SRC: variants seen among roughly 807,000 people sequenced by gnomAD.
SRC encodes SRC proto-oncogene, non-receptor tyrosine kinase, also known as proto-oncogene tyrosine-protein kinase Src.
SRC carries 13 observed loss-of-function variants against 62.9 expected under a neutral mutation model. The observed-to-expected ratio is 0.21, with a 90% CI of 0.13 to 0.33. The LOEUF is 0.33. Among genes scored for constraint, SRC ranks in the 10% least tolerant of loss-of-function variants. SRC has a pLI of 1.00. For missense variants in SRC, 457 were observed against 737.3 expected (o/e 0.62, Z 4.40); for synonymous variants, 302 against 317.5 (o/e 0.95, Z 0.52).
intron 7 of SRC, among the ~76,000 whole-genome samples, chr20:37,395,870 A>G (rs1346816743): frequency 6.6e-6 from 1 of 152,248 alleles, no homozygotes; most frequent in African/African-American, 2.4e-5. Flanking sequence ...ACTGAGGCCC[A>G]GATAGGGCCA....
chr20:37,373,139 T>C (rs1049105725), intron 2 of SRC, among the ~76,000 whole-genome samples: 49 of 139,414 alleles, frequency 3.5e-4, no homozygotes, highest in African/African-American at 1.3e-3. Flanking sequence ...TATATACACA[T>C]ATGTACATAT....
chr20:37,401,975 G>C (rs1291718269), intron 11 of SRC: 2 of 388,328 alleles, frequency 5.2e-6, no homozygotes, highest in Admixed American at 4.4e-5. Flanking sequence ...ACGTGTTCAT[G>C]CTTGCTGTAG....
chr20:37,349,482 T>A (rs1477822914), intron 1 of SRC, among the ~76,000 whole-genome samples: 1 of 152,218 alleles, frequency 6.6e-6, no homozygotes, highest in East Asian at 1.9e-4. Context: ...ATTTACTGTA[T>A]CTTTTGAGAG....
Position 37,405,349 on chromosome 20 carries a change from T to TG in SRC, c.*1977dup, listed in dbSNP as rs202168843. On this transcript the variant is annotated 3_prime_UTR_variant, in exon 14 of 14. Coordinates refer to ENST00000373578, the MANE Select transcript of SRC (RefSeq NM_198291.3). ...TTCCAAGGCCCAGACTTGCGGGGGG[T>TG]GGGGGGGTATCCAGAATTGGTTGTA... 59 of 47,588 alleles carry TG rather than the reference T, an allele frequency of 1.2e-3. No homozygotes were observed. The highest frequency in any genetic ancestry group is 6.3e-3 in the East Asian group (13 of 2,066). 2.9% of individuals were successfully genotyped at this position (47,588 alleles called of 1,614,324 possible).
rs763394119 is a variant in SRC at position 37,373,159 on chromosome 20, CACACATAT to C, written c.-173+7884_-173+7891del. Among the ~76,000 whole-genome samples, 31 of 113,742 alleles carry C rather than the reference CACACATAT, an allele frequency of 2.7e-4. No individual in the cohort carries two copies. In the East Asian group the frequency reaches 3.7e-3, roughly 14 times the overall value. 74.6% of individuals were successfully genotyped at this position (113,742 alleles called of 152,430 possible). ...ACACATATGTACATATACACACATA[CACACATAT>C]ATGTACACACATACACATGTATACA... On this transcript the variant is annotated intron_variant, in intron 2 of 13. Coordinates refer to ENST00000373578, the MANE Select transcript of SRC (RefSeq NM_198291.3).
chr20:37,368,678 A>G (rs1403497711), intron 2 of SRC, among the ~76,000 whole-genome samples: 14 of 144,636 alleles, frequency 9.7e-5, no homozygotes, highest in African/African-American at 2.8e-4. Flanking sequence ...TCAGCCTCCC[A>G]AGTAGCTGGG....
intron 4 of SRC, 76 bp from the exon 5 acceptor site, chr20:37,385,998 TG>T: frequency 8.5e-7 from 1 of 1,178,530 alleles, no homozygotes; most frequent in Non-Finnish European, 1.3e-6. Flanking sequence ...CCACTCCTCC[TG>T]GGTACAGGGC....
At chr20:37,376,178 C>G (rs755668532) in intron 2 of SRC, among the ~76,000 whole-genome samples, 3 of 152,174 alleles carry the variant, frequency 2.0e-5, no homozygotes, top group Non-Finnish European at 4.4e-5. Flanking sequence ...CTAATCAACT[C>G]CACCAGACAA....
chr20:37,384,543 C>CGGGGGGGGG lies in SRC; in HGVS notation c.250+146_250+147insGGGGGGGGG, dbSNP rs1242378998. On this transcript the variant is annotated intron_variant, in intron 4 of 13. Transcript: ENST00000373578. This position sits in a 1 kb window ranked among gnomAD's most constrained non-coding sequence, Gnocchi z 6.7. Reference sequence around the variant, plus strand: ...AGCGCCCCTGGGTGACTTGGGTGTCCGGGGGGTGGGGGGGCGGCCGTACAC... The same window carrying CGGGGGGGGG: ...AGCGCCCCTGGGTGACTTGGGTGTCCGGGGGGGGGGGGGGGTGGGGGGGCGGCCGTACAC... 3 of 159,526 alleles carry CGGGGGGGGG rather than the reference C, an allele frequency of 1.9e-5. No individual in the cohort carries two copies. Among genetic ancestry groups the CGGGGGGGGG allele is most frequent in the African/African-American group, 1.5e-4 (3 of 19,580 alleles). The allele number at this position is 159,526 out of a possible 1,614,324, so 9.9% of individuals were successfully genotyped here. A position where few individuals can be genotyped will look rare whatever the true frequency, so the allele number is the denominator to read the frequency against.
At chr20:37,362,738 G>C (rs1479771553) in intron 1 of SRC, among the ~76,000 whole-genome samples, 3 of 152,028 alleles carry the variant, frequency 2.0e-5, no homozygotes, top group Non-Finnish European at 4.4e-5. Flanking sequence ...GGGTGGGGTG[G>C]GGGGGTCTGC....
intron 7 of SRC, 27 bp downstream of exon 7, chr20:37,394,304 A>T: frequency 6.3e-7 from 1 of 1,593,658 alleles, no homozygotes. Flanking sequence ...TGGCCAACGG[A>T]TACTGAGTCT....
In SRC at chr20:37,398,839, G is replaced by C. The variant is rs1475429502; in HGVS notation, c.859+985G>C. ...CTGGGAAGGGCCTCACTTCCTCCCT[G>C]GGTGCTCCAGGTCGACTCATGAAGT... On this transcript the variant is annotated intron_variant, in intron 9 of 13. Coordinates refer to ENST00000373578, the MANE Select transcript of SRC (RefSeq NM_198291.3). This position sits in a 1 kb window ranked among gnomAD's most constrained non-coding sequence, Gnocchi z 5.2. Among the ~76,000 whole-genome samples, 2 of 152,248 alleles carry C rather than the reference G, an allele frequency of 1.3e-5. No homozygotes were observed. Among genetic ancestry groups the C allele is most frequent in the Non-Finnish European group, 2.9e-5 (2 of 68,036 alleles).
At position 37,402,404 on chromosome 20, in the gene SRC, C is replaced by T. The variant is rs2070751678; in HGVS notation, c.1117-31C>T. ...GGCCCTGGGAGGGCATGGGTGGCAC[C>T]TGAGCCAGGCTCCCACGGTTCCGCC... On this transcript the variant is annotated intron_variant, in intron 11 of 13. Transcript: ENST00000373578. This position sits in a 1 kb window ranked among gnomAD's most constrained non-coding sequence, Gnocchi z 6.2. 2 of 1,603,452 alleles carry T rather than the reference C, an allele frequency of 1.2e-6. No homozygotes were observed. Among genetic ancestry groups the T allele is most frequent in the African/African-American group, 1.3e-5 (1 of 74,670 alleles).
In SRC at chr20:37,383,824, C is replaced by T. The variant is rs981817972; in HGVS notation, c.-4-326C>T. 11 of 305,572 alleles carry T rather than the reference C, an allele frequency of 3.6e-5. No homozygotes were observed. The Admixed American group carries it at 4.6e-4, about 13-fold the overall frequency. 18.9% of individuals were successfully genotyped at this position (305,572 alleles called of 1,614,324 possible). On this transcript the variant is annotated intron_variant, in intron 3 of 13. Transcript: ENST00000373578. ...TGAGCTCACTGCAGCCTCTGCCTCCCCTGTTCAAGCGATTCTCCTGCCTCA... is the reference window on the plus strand; with the variant it reads ...TGAGCTCACTGCAGCCTCTGCCTCCTCTGTTCAAGCGATTCTCCTGCCTCA...
At chr20:37,353,523 C>T (rs993390583) in intron 1 of SRC, among the ~76,000 whole-genome samples, 1 of 152,132 alleles carries the variant, frequency 6.6e-6, no homozygotes, top group Non-Finnish European at 1.5e-5. Flanking sequence ...AATGAGCCAC[C>T]GTGAGCCCTT....
chr20:37,386,020 A>C (rs1320086062), intron 4 of SRC, 55 bp from the exon 5 acceptor site: 2 of 1,440,716 alleles, frequency 1.4e-6, no homozygotes, highest in African/African-American at 2.8e-5. Context: ...CATCCTGCCC[A>C]TGCCTTCCCT....
intron 4 of SRC, 51 bp from the exon 5 acceptor site, chr20:37,386,024 C>T: frequency 6.8e-7 from 1 of 1,479,958 alleles, no homozygotes; most frequent in Non-Finnish European, 9.4e-7. Flanking sequence ...CTGCCCATGC[C>T]TTCCCTGGCT....
At chr20:37,349,380 G>C (rs1189212653) in intron 1 of SRC, among the ~76,000 whole-genome samples, 1 of 152,204 alleles carries the variant, frequency 6.6e-6, no homozygotes, top group East Asian at 1.9e-4. Context: ...GTCAGCCCGA[G>C]AGATGGGGAC....
rs777533514 is a variant in SRC, at chr20:37,384,266, C to G, written c.113C>G (p.Pro38Arg). 4 of 1,552,126 alleles carry G rather than the reference C, an allele frequency of 2.6e-6. No individual in the cohort carries two copies. The South Asian group carries it at 4.6e-5, about 18-fold the overall frequency. The part of the protein sequence containing the change: ...GGGAFPASQT[P>R]SKPASADGHR... ...GGCGCTTTCCCCGCCTCGCAGACCC[C>G]CAGCAAGCCAGCCTCGGCCGACGGC... The change falls in exon 4 of 14, where the codon CCC becomes CGC. Residue 38 changes from proline to arginine, a missense_variant. Physicochemically the swap from Pro to Arg is moderately radical, Grantham distance 103 (BLOSUM62 -2). Transcript: ENST00000373578. This position sits in a 1 kb window ranked among gnomAD's most constrained non-coding sequence, Gnocchi z 6.7.
Sources: gnomAD v4.1 joint callset for allele counts (sites outside exome capture counted in the v4.1 genomes callset) on GRCh38, gnomAD v4.1.1 for gene constraint, Gnocchi (gnomAD v3.1) non-coding constraint, MANE v1.5 for transcripts, NCBI Gene and HGNC (gene_info 2026-07-23, HGNC 2026-07-21) for gene names.